The following FOXP2 variants were observed in gnomAD, a reference collection of about 807,000 sequenced individuals.
The protein encoded by FOXP2 is forkhead box P2.
Under a neutral mutation model 115.8 loss-of-function variants are expected in FOXP2, and 12 were observed. The ratio of observed to expected loss-of-function variants is 0.10; its 90% CI spans 0.07 to 0.17. FOXP2 has a LOEUF of 0.17. Among genes scored for constraint, FOXP2 ranks in the 10% least tolerant of loss-of-function variants. The pLI, the probability that FOXP2 is intolerant of heterozygous loss-of-function variation, is 1.00. For synonymous variants in FOXP2, 328 were observed against 297.7 expected, an observed-to-expected ratio of 1.10 and a Z score of -1.05; for missense variants, 629 against 843.5, an observed-to-expected ratio of 0.75 and a Z score of 3.15.
rs371574078 is a variant in FOXP2 at position 114,190,482 on chromosome 7, C to T, written c.-102+27394C>T. 1.3e-3 allele frequency among the ~76,000 whole-genome samples: 201 copies of T among 152,288 alleles called. 1 individual carries two copies. Among genetic ancestry groups the T allele is most frequent in the African/African-American group, 4.3e-3 (177 of 41,564 alleles). The stretch of plus-strand genomic sequence containing the variant: ...CCTGGGACTTATGCCAGGGGCTCCC[C>T]GTCTTAGGCCTTTTGGTGTGGACTG... On this transcript the variant is annotated intron_variant, in intron 1 of 17. Transcript: ENST00000634411.
intron 2 of FOXP2, among the ~76,000 whole-genome samples, chr7:114,404,239 G>A (rs1162446479): frequency 6.6e-6 from 1 of 151,970 alleles, no homozygotes; most frequent in Non-Finnish European, 1.5e-5. Context: ...GAGAAATGTC[G>A]GTTTGGCAAA....
At chr7:114,191,491 G>C (rs1584535190) in intron 1 of FOXP2, among the ~76,000 whole-genome samples, 1 of 152,160 alleles carries the variant, frequency 6.6e-6, no homozygotes, top group Admixed American at 6.5e-5. Context: ...CGCATATATT[G>C]CTGGACCCTC....
chr7:114,120,735 A>G lies in FOXP2; in HGVS notation c.-247+32897A>G, dbSNP rs531504690. The stretch of plus-strand genomic sequence containing the variant: ...GTGTGTGTATATATATGTACACATG[A>G]ACCAATTTAGTCCTGACCGCAGTTA... On this transcript the variant is annotated intron_variant, in intron 1 of 19. Coordinates refer to the FOXP2 transcript ENST00000635638. Among the ~76,000 whole-genome samples, 4 of 151,562 alleles carry G rather than the reference A, an allele frequency of 2.6e-5. No homozygotes were observed. The East Asian group carries it at 5.9e-4, about 22-fold the overall frequency.
At chr7:114,264,323 G>A (rs1795841681) in intron 1 of FOXP2, among the ~76,000 whole-genome samples, 1 of 152,056 alleles carries the variant, frequency 6.6e-6, no homozygotes, top group African/African-American at 2.4e-5. Flanking sequence ...TTTTTTCATG[G>A]GGGGCAGGAT....
chr7:114,256,903 T>G (rs957199188), intron 1 of FOXP2, among the ~76,000 whole-genome samples: 2 of 152,192 alleles, frequency 1.3e-5, no homozygotes, highest in African/African-American at 4.8e-5. Context: ...GCTATTCCCA[T>G]TAAACTACCA....
chr7:114,676,208 C>T (rs1393098814), intron 16 of FOXP2, among the ~76,000 whole-genome samples: 3 of 150,636 alleles, frequency 2.0e-5, no homozygotes, highest in South Asian at 4.2e-4. Context: ...GGATTATAGG[C>T]GTGAGCCACT....
At chr7:114,399,114 C>CTTTTTTTTTTTTTTTTTTTTT (rs66789053) in intron 2 of FOXP2, among the ~76,000 whole-genome samples, 1 of 141,408 alleles carries the variant, frequency 7.1e-6, no homozygotes. Context: ...TTTTCTTTTT[C>CTTTTTTTTTTTTTTTTTTTTT]TTTTTTTTTT....
At chr7:114,416,996 G>C (rs1029389026) in intron 1 of FOXP2, among the ~76,000 whole-genome samples, 1 of 151,846 alleles carries the variant, frequency 6.6e-6, no homozygotes, top group East Asian at 1.9e-4. Context: ...AATAATCTTT[G>C]TAAAAGGTGG....
chr7:114,516,838 G>A (rs529324640), intron 2 of FOXP2, among the ~76,000 whole-genome samples: 23 of 152,172 alleles, frequency 1.5e-4, no homozygotes, highest in African/African-American at 5.5e-4. Flanking sequence ...TGGGACTACA[G>A]GCACATGCCA....
At position 114,692,965 on chromosome 7, in the gene FOXP2, T is replaced by C. The variant is rs1451834386; in HGVS notation, c.*3039T>C. The stretch of plus-strand genomic sequence containing the variant: ...TTCGTTCTGTATTCATGGCTTTCAC[T>C]GCTGAATAAAATAAAGGACCAAACC... On this transcript the variant is annotated 3_prime_UTR_variant, in exon 17 of 17. Transcript: ENST00000350908. 1 of 453,946 alleles carries C rather than the reference T, an allele frequency of 2.2e-6. No homozygotes were observed. The highest frequency in any genetic ancestry group is 1.6e-5 in the South Asian group (1 of 64,468). The allele number at this position is 453,946 out of a possible 1,614,324, so 28.1% of individuals were successfully genotyped here.
At chr7:114,291,864 T>G (rs1265553742) in intron 2 of FOXP2, among the ~76,000 whole-genome samples, 1 of 132,482 alleles carries the variant, frequency 7.5e-6, no homozygotes, top group African/African-American at 2.7e-5. Context: ...ATTTTATATA[T>G]AATATATAGA....
chr7:114,123,827 T>C lies in FOXP2; in HGVS notation c.-247+35989T>C, dbSNP rs1791631048. Among the ~76,000 whole-genome samples, 4 of 152,238 alleles carry C rather than the reference T, an allele frequency of 2.6e-5. No homozygotes were observed. In the South Asian group the frequency reaches 6.2e-4, roughly 24 times the overall value. Reference sequence around the variant, plus strand: ...TTAAAAGCATTATAAAGTAAGCATTTGGGTTTTCTACCATACACAGCATTT... The same window carrying C: ...TTAAAAGCATTATAAAGTAAGCATTCGGGTTTTCTACCATACACAGCATTT... On this transcript the variant is annotated intron_variant, in intron 1 of 19. Coordinates refer to the FOXP2 transcript ENST00000635638.
chr7:114,582,791 G>A (rs1167776202), intron 3 of FOXP2, among the ~76,000 whole-genome samples: 1 of 152,104 alleles, frequency 6.6e-6, no homozygotes, highest in Non-Finnish European at 1.5e-5. Context: ...AGAATTATAT[G>A]CAGAAATATT....
At chr7:114,603,285 A>G (rs1187655335) in intron 3 of FOXP2, among the ~76,000 whole-genome samples, 2 of 152,202 alleles carry the variant, frequency 1.3e-5, no homozygotes, top group Non-Finnish European at 2.9e-5. Context: ...GTTGAGCATT[A>G]CAAACTGTTC....
upstream of FOXP2, chr7:114,086,452 C>A: frequency 2.9e-6 from 1 of 342,802 alleles, no homozygotes; most frequent in South Asian, 2.1e-5. Context: ...CGGCCGCGTC[C>A]GCTGGCTGCG....
At chr7:114,681,565 T>C (rs1308665400) in intron 16 of FOXP2, among the ~76,000 whole-genome samples, 1 of 152,172 alleles carries the variant, frequency 6.6e-6, no homozygotes, top group Non-Finnish European at 1.5e-5. Context: ...GGAGAATAAA[T>C]GTAGGAGCAC....
At chr7:114,382,886 T>A (rs1792343194) in intron 2 of FOXP2, among the ~76,000 whole-genome samples, 2 of 152,166 alleles carry the variant, frequency 1.3e-5, no homozygotes, top group Non-Finnish European at 2.9e-5. Flanking sequence ...TGGACATCAT[T>A]GAATAATTCA....
At chr7:114,218,982 C>T (rs1221599625) in intron 1 of FOXP2, among the ~76,000 whole-genome samples, 1 of 152,116 alleles carries the variant, frequency 6.6e-6, no homozygotes, top group South Asian at 2.1e-4. Context: ...GCAGTCTCCT[C>T]CCCAAACCAG....
intron 3 of FOXP2, among the ~76,000 whole-genome samples, chr7:114,614,747 C>G (rs920972762): frequency 3.9e-5 from 6 of 152,242 alleles, no homozygotes; most frequent in African/African-American, 9.6e-5. Flanking sequence ...AGATCATCAT[C>G]ATCAACAACA....
Sources: allele counts gnomAD v4.1 joint callset (sites outside exome capture counted in the v4.1 genomes callset), GRCh38; gene constraint gnomAD v4.1.1; transcripts MANE v1.5; gene names NCBI Gene and HGNC (gene_info 2026-07-23, HGNC 2026-07-21).